The following KATNAL2 variants were observed in gnomAD, a reference collection of about 807,000 sequenced individuals.
The protein encoded by KATNAL2 is katanin p60 ATPase-containing subunit A-like 2.
KATNAL2 carries 52 observed loss-of-function variants against 76.3 expected under a neutral mutation model. That is an observed-to-expected ratio of 0.68 (90% CI 0.55 to 0.86). The LOEUF (loss-of-function observed/expected upper bound fraction) is 0.86. Ranked by LOEUF, KATNAL2 falls within the 40% of genes least tolerant of loss-of-function variation. The pLI is 0.00. For synonymous variants in KATNAL2, 243 were observed against 244.2 expected (o/e 1.00, Z 0.05); for missense variants, 660 against 668.9 (o/e 0.99, Z 0.15).
At chr18:47,046,594 G>T in intron 4 of KATNAL2, 67 bp downstream of exon 4, 1 of 1,101,704 alleles carries the variant, frequency 9.1e-7, no homozygotes. Flanking sequence ...TTCCAGATGC[G>T]TACTTTTAAA....
intron 1 of KATNAL2, among the ~76,000 whole-genome samples, chr18:46,942,230 T>C (rs1159332679): frequency 6.6e-6 from 1 of 152,238 alleles, no homozygotes; most frequent in African/African-American, 2.4e-5. Context: ...TTTCACCTTG[T>C]ATAGTTTCTG....
chr18:47,033,306 A>G (rs2060575010), intron 3 of KATNAL2: 2 of 1,613,600 alleles, frequency 1.2e-6, no homozygotes, highest in Non-Finnish European at 1.7e-6. Context: ...TCCTTGAAGT[A>G]TCATAAGGCG....
chr18:47,068,015 TG>T (rs2061868230), intron 11 of KATNAL2, among the ~76,000 whole-genome samples: 1 of 152,240 alleles, frequency 6.6e-6, no homozygotes, highest in Non-Finnish European at 1.5e-5. Flanking sequence ...ATGGTGGCAG[TG>T]GGTTCCCAGA....
chr18:46,966,280 GTAA>G (rs1213699284), intron 3 of KATNAL2, among the ~76,000 whole-genome samples: 1 of 109,466 alleles, frequency 9.1e-6, no homozygotes, highest in Non-Finnish European at 2.0e-5. Context: ...GGTCAGTGTA[GTAA>G]TGTTACAGCA....
At chr18:47,072,166 C>T (rs538527847) in intron 13 of KATNAL2, among the ~76,000 whole-genome samples, 35 of 151,766 alleles carry the variant, frequency 2.3e-4, no homozygotes, top group African/African-American at 7.2e-4. Context: ...CCATATTGGC[C>T]AGGCTGGTCT....
intron 15 of KATNAL2, chr18:47,098,970 T>A: frequency 3.0e-6 from 1 of 329,274 alleles, no homozygotes; most frequent in Non-Finnish European, 5.6e-6. Context: ...GAATGTGCTC[T>A]TTTCCTTTTC....
intron 3 of KATNAL2, chr18:47,034,514 C>T (rs1341972663): frequency 2.2e-5 from 36 of 1,614,096 alleles, no homozygotes; most frequent in Non-Finnish European, 2.6e-5. Flanking sequence ...CATGATTTCT[C>T]CCTGATCAAA....
chr18:47,033,751 C>T (rs181268056), intron 3 of KATNAL2: 8 of 1,614,204 alleles, frequency 5.0e-6, no homozygotes, highest in Non-Finnish European at 6.8e-6. Flanking sequence ...CACTCTGCGT[C>T]CAGGGAAAGC....
intron 3 of KATNAL2, chr18:47,035,019 GT>G (rs1478694818): frequency 6.2e-7 from 1 of 1,611,536 alleles, no homozygotes; most frequent in Non-Finnish European, 8.5e-7. Context: ...CAGGCCGGGT[GT>G]TTCGGTCCAC....
In KATNAL2 at chr18:47,077,458, C is replaced by G. The variant is rs981894859; in HGVS notation, c.1208C>G (p.Pro403Arg). 4 of 1,608,312 alleles carry G rather than the reference C, an allele frequency of 2.5e-6. No individual in the cohort carries two copies. Among genetic ancestry groups the G allele is most frequent in the Non-Finnish European group, 2.6e-6 (3 of 1,174,920 alleles). Residue 403 changes from proline (P) to arginine (R), a missense_variant, in exon 15 of 18, where the codon CCG becomes CGG. Physicochemically the swap from Pro to Arg is moderately radical, Grantham distance 103 (BLOSUM62 -2). Transcript: ENST00000683218. ...TTTGTCTTAGCAGCTTCTAACCTGC[C>G]GTGGTAAGAGACCAAGAGAGTAAAT... ...LVFVLAASNL[P>R]WELDCAMLRR...
At chr18:47,031,954 A>G (rs2060482177) in intron 3 of KATNAL2, among the ~76,000 whole-genome samples, 1 of 152,172 alleles carries the variant, frequency 6.6e-6, no homozygotes, top group Non-Finnish European at 1.5e-5. Context: ...AGGCCAACAA[A>G]TGCCCTGCTT....
At chr18:46,934,706 G>A (rs1428442584) in intron 1 of KATNAL2, among the ~76,000 whole-genome samples, 3 of 152,164 alleles carry the variant, frequency 2.0e-5, no homozygotes, top group Non-Finnish European at 2.9e-5. Context: ...TGGTGTTTTA[G>A]ACATGAAGTC....
At chr18:46,941,216 G>A (rs1054408680) in intron 1 of KATNAL2, among the ~76,000 whole-genome samples, 1 of 151,942 alleles carries the variant, frequency 6.6e-6, no homozygotes, top group Non-Finnish European at 1.5e-5. Flanking sequence ...CCCAGCTACT[G>A]GGGGTAGGGG....
At chr18:47,083,834 G>C (rs758167033) in intron 15 of KATNAL2, among the ~76,000 whole-genome samples, 109 of 152,294 alleles carry the variant, frequency 7.2e-4, no homozygotes, top group Non-Finnish European at 1.3e-3. Flanking sequence ...GGCCCATTAA[G>C]GCAAATGTCA....
intron 1 of KATNAL2, chr18:46,920,054 C>T (rs747582803): frequency 1.4e-4 from 180 of 1,289,354 alleles, no homozygotes; most frequent in Non-Finnish European, 1.8e-4. Context: ...CCCACTGAAA[C>T]TTACGTGCAG....
chr18:47,062,252 C>T (rs1335341693), intron 8 of KATNAL2, among the ~76,000 whole-genome samples: 1 of 151,880 alleles, frequency 6.6e-6, no homozygotes, highest in Admixed American at 6.6e-5. Context: ...AAAGTAGTGG[C>T]GCACATATGT....
At chr18:46,930,551 C>T (rs1192972474) in intron 1 of KATNAL2, among the ~76,000 whole-genome samples, 1 of 152,166 alleles carries the variant, frequency 6.6e-6, no homozygotes, top group Non-Finnish European at 1.5e-5. Flanking sequence ...TGCGACGGCT[C>T]ACACCTATAA....
At chr18:47,032,029 C>G (rs544140856) in intron 3 of KATNAL2, among the ~76,000 whole-genome samples, 1 of 152,148 alleles carries the variant, frequency 6.6e-6, no homozygotes, top group African/African-American at 2.4e-5. Flanking sequence ...GTAGTTAACC[C>G]GGTCCTTTCA....
rs117014566 is a variant in KATNAL2, at chr18:47,100,829, C to T, written c.1478-37C>T. The stretch of plus-strand genomic sequence containing the variant: ...TCAAGAGCATTGATCACCAAGAGGT[C>T]GATTGTTGTGCTGTTACTGTTGTGT... On this transcript the variant is annotated intron_variant, in intron 17 of 17. Transcript: ENST00000683218. 1,362 of 1,612,802 alleles carry T rather than the reference C, an allele frequency of 8.4e-4. 6 individuals carry two copies. The Middle Eastern group carries it at 0.013, about 15-fold the overall frequency.
Sources: allele counts gnomAD v4.1 joint callset (sites outside exome capture counted in the v4.1 genomes callset), GRCh38; gene constraint gnomAD v4.1.1; transcripts MANE v1.5; gene names NCBI Gene and HGNC (gene_info 2026-07-23, HGNC 2026-07-21).